The following SYNE1 variants were observed in gnomAD, a reference collection of about 807,000 sequenced individuals.
The protein encoded by SYNE1 is spectrin repeat containing nuclear envelope protein 1.
In SYNE1, 616 loss-of-function variants were observed where a neutral mutation model predicts 1,111.0. The ratio of observed to expected loss-of-function variants is 0.55; its 90% CI spans 0.52 to 0.59. SYNE1 has a LOEUF of 0.59. Among genes scored for constraint, SYNE1 ranks in the 20% least tolerant of loss-of-function variants. The probability of loss-of-function intolerance (pLI) is 0.00; values close to 1 mark genes in which losing one functional copy is unlikely to be tolerated. For synonymous variants in SYNE1, 3,855 were observed against 3,825.8 expected (o/e 1.01, Z -0.28); for missense variants, 10,006 against 10,417.0 (o/e 0.96, Z 1.72).
Position 152,469,142 on chromosome 6 carries a change from T to G in SYNE1, c.1632+2455A>C, listed in dbSNP as rs373951338. ...AAAGAATTGCACTTACAAAACTGAC[T>G]TTGGTGATTTGTGATTTTATTTGAA... On this transcript the variant is annotated intron_variant, in intron 16 of 145. Coordinates refer to ENST00000367255, the MANE Select transcript of SYNE1 (RefSeq NM_182961.4). 1.9e-4 allele frequency among the ~76,000 whole-genome samples: 29 copies of G among 152,176 alleles called. No individual in the cohort carries two copies. The East Asian group carries it at 4.3e-3, about 22-fold the overall frequency.
chr6:152,201,868 G>C lies in SYNE1; in HGVS notation c.23101C>G (p.Pro7701Ala), dbSNP rs1381870619. Reference sequence around the variant, plus strand: ...GCATGGAGCTCTTCATGGTGATCCGGGAGAGACTGCGAAAGCTTCTTTTTG... The same window carrying C: ...GCATGGAGCTCTTCATGGTGATCCGCGAGAGACTGCGAAAGCTTCTTTTTG... ...TFKKKLSQSL[P>A]DHHEELHAEQ... Residue 7701 changes from proline (P) to alanine (A), a missense_variant, in exon 127 of 146, where the codon CCG (proline) becomes GCG (alanine). Physicochemically the swap from Pro to Ala is conservative, Grantham distance 27. Coordinates refer to ENST00000367255, the MANE Select transcript of SYNE1 (RefSeq NM_182961.4). 5 of 1,613,776 alleles carry C rather than the reference G, an allele frequency of 3.1e-6. No individual in the cohort carries two copies. Among genetic ancestry groups the C allele is most frequent in the Non-Finnish European group, 4.2e-6 (5 of 1,179,838 alleles).
intron 14 of SYNE1, among the ~76,000 whole-genome samples, chr6:152,479,045 G>C (rs750473536): frequency 6.6e-6 from 1 of 152,156 alleles, no homozygotes; most frequent in Non-Finnish European, 1.5e-5. Flanking sequence ...ACAGATTATA[G>C]GGCACAGAGG....
intron 3 of SYNE1, among the ~76,000 whole-genome samples, chr6:152,624,520 A>G (rs1448739291): frequency 6.6e-6 from 1 of 152,290 alleles, no homozygotes; most frequent in South Asian, 2.1e-4. Context: ...TGTTAAATGG[A>G]TCCCCTTTAG....
rs1398662337 is a variant in SYNE1, at chr6:152,148,034, C to T, written c.24976+11G>A. Reference sequence around the variant, plus strand: ...CCTTTAAGCTGGCAAACTGGAGAGGCTCTTTCCTACCTGATAAGCCAACAG... The same window carrying T: ...CCTTTAAGCTGGCAAACTGGAGAGGTTCTTTCCTACCTGATAAGCCAACAG... On this transcript the variant is annotated intron_variant, in intron 137 of 145. Transcript: ENST00000367255. This position sits in a 1 kb window ranked among gnomAD's most constrained non-coding sequence, Gnocchi z 4.1. 1 of 1,612,736 alleles carries T rather than the reference C, an allele frequency of 6.2e-7. No homozygotes were observed. Among genetic ancestry groups the T allele is most frequent in the Non-Finnish European group, 8.5e-7 (1 of 1,179,324 alleles).
rs201701650 is a variant in SYNE1, at chr6:152,520,417, A to G, written c.309+42T>C. ...CAATACTGAAAACATAAGTATGCCC[A>G]CACCTTCTTCCTTGGGCATTTTGTT... On this transcript the variant is annotated intron_variant, in intron 6 of 145. Transcript: ENST00000367255. 1.4e-4 allele frequency: 229 copies of G among 1,600,250 alleles called. No homozygotes were observed. The African/African-American group carries it at 2.8e-3, about 20-fold the overall frequency.
intron 105 of SYNE1, among the ~76,000 whole-genome samples, chr6:152,247,727 TTA>T (rs1183787546): frequency 0.014 from 1,692 of 117,684 alleles, 11 homozygotes; most frequent in Admixed American, 0.02. Flanking sequence ...ATATTTTTTA[TTA>T]TATATATATA....
intron 87 of SYNE1, among the ~76,000 whole-genome samples, chr6:152,314,127 G>A (rs2095637983): frequency 6.6e-6 from 1 of 152,112 alleles, no homozygotes; most frequent in South Asian, 2.1e-4. Flanking sequence ...TTGTCTTACT[G>A]TCCTCAATGT....
chr6:152,132,310 C>T, intron 143 of SYNE1, 96 bp from the exon 144 acceptor site: 1 of 1,010,338 alleles, frequency 9.9e-7, no homozygotes, highest in East Asian at 2.4e-5. Context: ...CTCCATCCAC[C>T]CCCATGTCTC....
At position 152,208,114 on chromosome 6, in the gene SYNE1, T is replaced by C; in HGVS notation, c.22682A>G (p.Gln7561Arg). ...CCTATAGCGCTGCCACTGGCGAATC[T>C]GGCTGTCAATGATCCCCCGCCTCTG... ...AQQRRGIIDS[Q>R]IRQWQRYREM... The change falls in exon 125 of 146, where the codon CAG becomes CGG. Residue 7561 changes from glutamine (Q) to arginine (R), a missense_variant. By Grantham distance (43) the Gln-to-Arg change is conservative (BLOSUM62 1). Coordinates refer to ENST00000367255, the MANE Select transcript of SYNE1 (RefSeq NM_182961.4). 2.5e-6 allele frequency: 4 copies of C among 1,614,138 alleles called. No individual in the cohort carries two copies. The highest frequency in any genetic ancestry group is 3.4e-6 in the Non-Finnish European group (4 of 1,180,016).
intron 140 of SYNE1, 64 bp downstream of exon 140, chr6:152,139,886 C>A: frequency 6.3e-7 from 1 of 1,578,156 alleles, no homozygotes; most frequent in Non-Finnish European, 8.7e-7. Flanking sequence ...GAGGTGCCAT[C>A]TGCACGGTCG....
At chr6:152,625,501 C>A (rs976152021) in intron 3 of SYNE1, among the ~76,000 whole-genome samples, 1 of 152,152 alleles carries the variant, frequency 6.6e-6, no homozygotes, top group African/African-American at 2.4e-5. Flanking sequence ...CATTTTGTAG[C>A]CAACATAACC....
chr6:152,395,085 C>T (rs1418439717), intron 51 of SYNE1, among the ~76,000 whole-genome samples: 3 of 148,244 alleles, frequency 2.0e-5, no homozygotes, highest in Non-Finnish European at 1.5e-5. Context: ...ACCTGGCAAG[C>T]ACTCTTTTTT....
At chr6:152,176,015 T>A (rs2066373946) in intron 130 of SYNE1, among the ~76,000 whole-genome samples, 1 of 79,474 alleles carries the variant, frequency 1.3e-5, no homozygotes, top group African/African-American at 6.8e-5. Flanking sequence ...GATTTAGTAA[T>A]TTTTTTTTTT....
chr6:152,460,030 T>C (rs1172546406), intron 21 of SYNE1, among the ~76,000 whole-genome samples: 1 of 152,194 alleles, frequency 6.6e-6, no homozygotes, highest in Non-Finnish European at 1.5e-5. Flanking sequence ...CTAATGTGTA[T>C]ACAAATCAGT....
intron 51 of SYNE1, among the ~76,000 whole-genome samples, chr6:152,391,834 A>G (rs1040607046): frequency 1.3e-5 from 2 of 152,178 alleles, no homozygotes; most frequent in Non-Finnish European, 2.9e-5. Flanking sequence ...CTACTGTATT[A>G]CTTACTGTAT....
chr6:152,375,484 A>C (rs1044085906), intron 58 of SYNE1, among the ~76,000 whole-genome samples: 4 of 152,248 alleles, frequency 2.6e-5, no homozygotes, highest in African/African-American at 9.6e-5. Context: ...ATGAGCGGAC[A>C]TACAGGTACG....
chr6:152,348,801 G>C (rs1205240915), intron 72 of SYNE1, among the ~76,000 whole-genome samples: 1 of 151,280 alleles, frequency 6.6e-6, no homozygotes, highest in Non-Finnish European at 1.5e-5. Flanking sequence ...ATCCAACATA[G>C]GGTAGCCTGG....
intron 3 of SYNE1, among the ~76,000 whole-genome samples, chr6:152,590,364 C>CTT (rs202225352): frequency 1.9e-4 from 29 of 150,438 alleles, no homozygotes; most frequent in African/African-American, 6.2e-4. Context: ...AGAGAAAATC[C>CTT]ATTTTTTTTT....
At chr6:152,168,838 T>C (rs2064350484) in intron 130 of SYNE1, among the ~76,000 whole-genome samples, 1 of 152,192 alleles carries the variant, frequency 6.6e-6, no homozygotes, top group African/African-American at 2.4e-5. Context: ...GCAAAACTTT[T>C]GTCCTTTAAA....
Sources: gnomAD v4.1 joint callset for allele counts (sites outside exome capture counted in the v4.1 genomes callset) on GRCh38, gnomAD v4.1.1 for gene constraint, Gnocchi (gnomAD v3.1) non-coding constraint, MANE v1.5 for transcripts, NCBI Gene and HGNC (gene_info 2026-07-23, HGNC 2026-07-21) for gene names.